NPAS3: variants seen among roughly 807,000 people sequenced by gnomAD.
NPAS3 encodes neuronal PAS domain protein 3.
Under a neutral mutation model 73.1 loss-of-function variants are expected in NPAS3, and 14 were observed. That is an observed-to-expected ratio of 0.19 (90% CI 0.13 to 0.30). The LOEUF is 0.30. Among genes scored for constraint, NPAS3 ranks in the 10% least tolerant of loss-of-function variants. The pLI, the probability that NPAS3 is intolerant of heterozygous loss-of-function variation, is 1.00. For missense variants in NPAS3, 1,096 were observed against 1,250.0 expected, an observed-to-expected ratio of 0.88 and a Z score of 1.86; for synonymous variants, 620 against 541.5, an observed-to-expected ratio of 1.14 and a Z score of -2.01.
rs1475061902 is a variant in NPAS3 at position 33,449,046 on chromosome 14, G to A, written c.468+81778G>A. On this transcript the variant is annotated intron_variant, in intron 4 of 11. Coordinates refer to ENST00000356141, the Ensembl canonical transcript of NPAS3. Reference sequence around the variant, plus strand: ...GGGATTTTTCAAAAAGAATCTCTGGGCAGACACTCAAGGAGAGTTAAACAC... The same window carrying A: ...GGGATTTTTCAAAAAGAATCTCTGGACAGACACTCAAGGAGAGTTAAACAC... Among the ~76,000 whole-genome samples the A allele has an allele frequency of 3.3e-5, 5 of 152,174 alleles. No homozygotes were observed. The East Asian group carries it at 9.7e-4, about 29-fold the overall frequency.
chr14:33,626,800 G>C (rs1023286926), intron 5 of NPAS3, among the ~76,000 whole-genome samples: 1 of 152,138 alleles, frequency 6.6e-6, no homozygotes. Context: ...CAGTTTTGTA[G>C]TATTTTAGGT....
chr14:33,500,362 T>G (rs531474300), intron 4 of NPAS3, among the ~76,000 whole-genome samples: 6 of 151,990 alleles, frequency 3.9e-5, no homozygotes, highest in Non-Finnish European at 8.8e-5. Context: ...AAAGTAGGTT[T>G]ATATGCTCCG....
At chr14:33,360,581 A>G (rs1252767708) in intron 3 of NPAS3, among the ~76,000 whole-genome samples, 1 of 152,238 alleles carries the variant, frequency 6.6e-6, no homozygotes. Flanking sequence ...CCCAATAAAT[A>G]CTTAGGAAAG....
intron 4 of NPAS3, among the ~76,000 whole-genome samples, chr14:33,491,421 A>C (rs2139817070): frequency 6.6e-6 from 1 of 152,218 alleles, no homozygotes; most frequent in South Asian, 2.1e-4. Context: ...GGTGTTATCC[A>C]GTGGAAATTT....
intron 3 of NPAS3, among the ~76,000 whole-genome samples, chr14:33,321,809 C>T (rs770864321): frequency 7.9e-5 from 12 of 151,990 alleles, no homozygotes; most frequent in South Asian, 2.1e-4. Context: ...TAACACAAGG[C>T]AAATATATAG....
chr14:33,768,674 A>G (rs547471076), intron 7 of NPAS3, among the ~76,000 whole-genome samples: 1 of 152,320 alleles, frequency 6.6e-6, no homozygotes, highest in African/African-American at 2.4e-5. Context: ...ACACCATTTT[A>G]TATCTGAGGA....
chr14:33,730,417 C>A (rs2061370560), intron 6 of NPAS3, among the ~76,000 whole-genome samples: 1 of 152,086 alleles, frequency 6.6e-6, no homozygotes. Flanking sequence ...GTAAAAAAAA[C>A]AGTCCCCAAA....
chr14:33,215,560 C>A, intron 3 of NPAS3, 134 bp downstream of exon 3: 1 of 1,005,676 alleles, frequency 9.9e-7, no homozygotes, highest in East Asian at 2.4e-5. Context: ...GAAATCTGAA[C>A]TCTGCATGAG....
intron 6 of NPAS3, among the ~76,000 whole-genome samples, chr14:33,678,807 C>G (rs2059847134): frequency 6.6e-6 from 1 of 151,084 alleles, no homozygotes; most frequent in Admixed American, 6.6e-5. Context: ...GTATCCTAGG[C>G]TAGAGTCTAA....
At chr14:33,697,963 A>ATTCTT (rs2060430983) in intron 6 of NPAS3, among the ~76,000 whole-genome samples, 1 of 152,220 alleles carries the variant, frequency 6.6e-6, no homozygotes, top group African/African-American at 2.4e-5. Context: ...TTCTGGAAGA[A>ATTCTT]TTCTTTATAT....
intron 2 of NPAS3, among the ~76,000 whole-genome samples, chr14:33,078,318 C>A (rs2041741797): frequency 6.6e-6 from 1 of 152,072 alleles, no homozygotes; most frequent in African/African-American, 2.4e-5. Flanking sequence ...CCAAGTATTT[C>A]TGGTTTGATT....
At chr14:32,993,253 C>T (rs77607577) in intron 1 of NPAS3, among the ~76,000 whole-genome samples, 4,946 of 151,492 alleles carry the variant, frequency 0.033, 112 homozygotes, top group Non-Finnish European at 0.049. Flanking sequence ...AAAGCAAGAA[C>T]GGGAGCTGTG....
intron 1 of NPAS3, among the ~76,000 whole-genome samples, chr14:32,976,927 G>A (rs1332912425): frequency 6.6e-6 from 1 of 151,920 alleles, no homozygotes; most frequent in Non-Finnish European, 1.5e-5. Context: ...GCCCAAAAGT[G>A]GATATAAATA....
At chr14:33,283,374 G>A (rs1345673001) in intron 3 of NPAS3, among the ~76,000 whole-genome samples, 1 of 152,166 alleles carries the variant, frequency 6.6e-6, no homozygotes, top group African/African-American at 2.4e-5. Flanking sequence ...TATGATATAG[G>A]CGTTATTAAC....
At chr14:33,648,183 G>A (rs1057017546) in intron 5 of NPAS3, among the ~76,000 whole-genome samples, 4 of 152,196 alleles carry the variant, frequency 2.6e-5, no homozygotes, top group African/African-American at 9.6e-5. Context: ...CAAAGTTACT[G>A]AGATGAATTT....
chr14:33,667,351 T>A (rs1413084022), intron 5 of NPAS3, among the ~76,000 whole-genome samples: 3 of 152,174 alleles, frequency 2.0e-5, no homozygotes, highest in Non-Finnish European at 2.9e-5. Context: ...GATTACAGCA[T>A]TGTTCTGGTG....
chr14:33,367,260 A>G (rs751340729), exon 4 of NPAS3: 22 of 864,778 alleles, frequency 2.5e-5, no homozygotes, highest in Non-Finnish European at 1.8e-5. Flanking sequence ...GGGAAGCCAC[A>G]TTTTGCAGGT....
At chr14:33,253,991 A>G (rs58674942) in intron 3 of NPAS3, among the ~76,000 whole-genome samples, 32,320 of 152,008 alleles carry the variant, frequency 0.21, 3,572 homozygotes, top group Non-Finnish European at 0.25. Context: ...ACCCAAATAT[A>G]AACTGGGAAG....
chr14:33,588,859 T>C (rs2056961803), intron 5 of NPAS3, among the ~76,000 whole-genome samples: 1 of 152,114 alleles, frequency 6.6e-6, no homozygotes, highest in African/African-American at 2.4e-5. Context: ...TTAAGTGATC[T>C]ACCGGCCCAC....
Sources: allele counts gnomAD v4.1 joint callset (sites outside exome capture counted in the v4.1 genomes callset), GRCh38; gene constraint gnomAD v4.1.1; transcripts MANE v1.5; gene names NCBI Gene and HGNC (gene_info 2026-07-23, HGNC 2026-07-21).